ALPK3: variants seen among roughly 807,000 people sequenced by gnomAD.
The protein encoded by ALPK3 is alpha-protein kinase 3.
ALPK3 carries 102 observed loss-of-function variants against 140.0 expected under a neutral mutation model. The observed-to-expected ratio is 0.73, with a 90% confidence interval of 0.62 to 0.86. The LOEUF is 0.86. Among genes scored for constraint, ALPK3 ranks in the 40% least tolerant of loss-of-function variants. The probability of loss-of-function intolerance (pLI) is 0.00; values close to 1 mark genes in which losing one functional copy is unlikely to be tolerated. For synonymous variants in ALPK3, 938 were observed against 898.5 expected (o/e 1.04, Z -0.79); for missense variants, 2,254 against 2,208.2 (o/e 1.02, Z -0.42).
At chr15:84,848,721 C>A (rs1963763812) in intron 5 of ALPK3, among the ~76,000 whole-genome samples, 1 of 151,976 alleles carries the variant, frequency 6.6e-6, no homozygotes, top group South Asian at 2.1e-4. Flanking sequence ...AATAAGAAAT[C>A]CATTTCAAAT....
chr15:84,864,310 C>A, intron 11 of ALPK3, 132 bp from the exon 12 acceptor site: 1 of 956,738 alleles, frequency 1.0e-6, no homozygotes, highest in Non-Finnish European at 1.6e-6. Context: ...CTTTGCTGTC[C>A]TTTGGGCTCG....
chr15:84,840,807 G>T lies in ALPK3; in HGVS notation c.1528G>T (p.Ala510Ser). 2 of 1,614,232 alleles carry T rather than the reference G, an allele frequency of 1.2e-6. No individual in the cohort carries two copies. Among genetic ancestry groups the T allele is most frequent in the Non-Finnish European group, 1.7e-6 (2 of 1,180,038 alleles). The change falls in exon 5 of 14, where the codon GCC becomes TCC. Residue 510 changes from alanine (A) to serine (S), a missense_variant. Around this residue, in one of 3 missense-constraint regions of ALPK3, gnomAD observed 2,088 missense variants for 2,022.9 expected, o/e 1.03. Coordinates refer to ENST00000258888, the MANE Select transcript of ALPK3 (RefSeq NM_020778.5). ...SSLSQAPECG[A>S]QSLGKAPPQA... ...TCTGAGTCAAGCTCCAGAATGCGGG[G>T]CCCAGAGCTTAGGAAAGGCCCCACC...
intron 5 of ALPK3, among the ~76,000 whole-genome samples, chr15:84,844,498 C>T (rs1963706405): frequency 6.6e-6 from 1 of 152,180 alleles, no homozygotes; most frequent in African/African-American, 2.4e-5. Context: ...TAGTTTACCT[C>T]CTTCATATAT....
intron 12 of ALPK3, among the ~76,000 whole-genome samples, chr15:84,865,553 A>G (rs983501046): frequency 6.6e-6 from 1 of 152,196 alleles, no homozygotes; most frequent in Non-Finnish European, 1.5e-5. Context: ...CCATCCAACC[A>G]TTACTAAATA....
At chr15:84,843,199 G>A (rs771164526) in intron 5 of ALPK3, among the ~76,000 whole-genome samples, 1 of 152,218 alleles carries the variant, frequency 6.6e-6, no homozygotes, top group Non-Finnish European at 1.5e-5. Flanking sequence ...GGGTACAGTG[G>A]CTCATGCCTG....
intron 5 of ALPK3, among the ~76,000 whole-genome samples, chr15:84,849,533 A>C (rs1268586665): frequency 6.6e-6 from 1 of 152,206 alleles, no homozygotes; most frequent in Non-Finnish European, 1.5e-5. Context: ...ATCTTAACAA[A>C]TGTGAAGTAA....
Position 84,817,492 on chromosome 15 carries a change from G to C in ALPK3, c.40G>C (p.Gly14Arg). ...GGCCCCCAGCCGGGGCTGGGGCGCG[G>C]GTGGGCGGTCGGGGGCGGGGGGCGA... is the stretch of plus-strand genomic sequence containing the variant. ...RRAPSRGWGAGGRSGAGGDGE... is the reference protein window; with the variant it reads ...RRAPSRGWGARGRSGAGGDGE... The change falls in exon 1 of 14, where the codon GGT (glycine) becomes CGT (arginine). Residue 14 changes from glycine (G) to arginine (R), a missense_variant. By Grantham distance (125) the Gly-to-Arg change is moderately radical. This residue lies in a region of ALPK3 where 2,088 missense variants were observed against 2,022.9 expected (regional missense o/e 1.03). Coordinates refer to ENST00000258888, the MANE Select transcript of ALPK3 (RefSeq NM_020778.5). 1.4e-6 allele frequency: 2 copies of C among 1,445,662 alleles called. No homozygotes were observed. Among genetic ancestry groups the C allele is most frequent in the South Asian group, 2.7e-5 (2 of 73,148 alleles). The allele number at this position is 1,445,662 out of a possible 1,614,324, so 89.6% of individuals were successfully genotyped here.
intron 5 of ALPK3, among the ~76,000 whole-genome samples, chr15:84,844,002 G>A (rs1963696878): frequency 6.6e-6 from 1 of 152,086 alleles, no homozygotes; most frequent in African/African-American, 2.4e-5. Context: ...AAGCTAAGGT[G>A]GGTGGATAAC....
rs781311599 is a variant in ALPK3, at chr15:84,856,715, G to A, written c.1977G>A (p.Lys659=). Residue 659 remains lysine, a synonymous_variant, in exon 6 of 14, where the codon AAG becomes AAA. Coordinates refer to ENST00000258888, the MANE Select transcript of ALPK3 (RefSeq NM_020778.5). ...CACAGTCAGACAGGAGTGCACAGAA[G>A]GGCATGATGACACAGGGAAGGGCAG... is the stretch of plus-strand genomic sequence containing the variant. ...KRPQSDRSAQ[K]GMMTQGRAET... 1.4e-5 allele frequency: 22 copies of A among 1,614,060 alleles called. No individual in the cohort carries two copies. The highest frequency in any genetic ancestry group is 1.9e-5 in the Non-Finnish European group (22 of 1,180,018).
chr15:84,835,484 C>T (rs772256253), intron 3 of ALPK3, among the ~76,000 whole-genome samples: 4 of 152,186 alleles, frequency 2.6e-5, no homozygotes, highest in Non-Finnish European at 4.4e-5. Flanking sequence ...ATTTACTTAT[C>T]GTCCCACAGA....
rs376243343 is a variant in ALPK3, at chr15:84,852,164, A to G, written c.1654-4228A>G. On this transcript the variant is annotated intron_variant, in intron 5 of 13. Coordinates refer to ENST00000258888, the MANE Select transcript of ALPK3 (RefSeq NM_020778.5). The stretch of plus-strand genomic sequence containing the variant: ...TTAACAACAATAATCATAAAATAGA[A>G]CAACTATAGTAATATGCCAGTATCA... Among the ~76,000 whole-genome samples, 4 of 152,322 alleles carry G rather than the reference A, an allele frequency of 2.6e-5. No homozygotes were observed. In the East Asian group the frequency reaches 7.7e-4, roughly 29 times the overall value.
At chr15:84,855,395 A>T (rs990767935) in intron 5 of ALPK3, among the ~76,000 whole-genome samples, 1 of 152,072 alleles carries the variant, frequency 6.6e-6, no homozygotes, top group African/African-American at 2.4e-5. Context: ...GGCAGCTGTT[A>T]TCCTTTTGTT....
intron 1 of ALPK3, among the ~76,000 whole-genome samples, chr15:84,820,317 A>C (rs1207140128): frequency 6.6e-6 from 1 of 152,162 alleles, no homozygotes; most frequent in Non-Finnish European, 1.5e-5. Context: ...TGGGTCAGCC[A>C]GGCTGTCTAG....
chr15:84,846,515 C>G (rs1963732944), intron 5 of ALPK3, among the ~76,000 whole-genome samples: 1 of 152,068 alleles, frequency 6.6e-6, no homozygotes, highest in East Asian at 1.9e-4. Context: ...AAAACCCTGT[C>G]TTTACAAAAA....
rs149933659 is a variant in ALPK3 at position 84,864,628 on chromosome 15, G to A, written c.4686G>A (p.Gln1562=). The change falls in exon 12 of 14, where the codon CAG becomes CAA. Residue 1562 remains glutamine, a synonymous_variant. Coordinates refer to ENST00000258888, the MANE Select transcript of ALPK3 (RefSeq NM_020778.5). ...AGACCTTCCAACACTGGCTGTATCA[G>A]TGGACAAATGGCAGCTTCCTTGTCA... ...KCQTFQHWLY[Q]WTNGSFLVTD... The A allele has an allele frequency of 4.8e-5, 78 of 1,614,082 alleles. No individual in the cohort carries two copies. Among genetic ancestry groups the A allele is most frequent in the Admixed American group, 3.2e-4 (19 of 60,010 alleles).
rs1007006555 is a variant in ALPK3 at position 84,873,439 on chromosome 15, C to G, written c.*4983C>G. On this transcript the variant is annotated 3_prime_UTR_variant, in exon 14 of 14. Coordinates refer to ENST00000258888, the MANE Select transcript of ALPK3 (RefSeq NM_020778.5). Reference sequence around the variant, plus strand: ...AGCTTTTACGTAGAATGTAGAATCTCTGGTGAGTGAACATATCAATAAAGA... The same window carrying G: ...AGCTTTTACGTAGAATGTAGAATCTGTGGTGAGTGAACATATCAATAAAGA... 1 of 152,114 alleles carries G rather than the reference C, an allele frequency of 6.6e-6. No homozygotes were observed. The highest frequency in any genetic ancestry group is 2.4e-5 in the African/African-American group (1 of 41,402). 9.4% of individuals were successfully genotyped at this position (152,114 alleles called of 1,614,324 possible).
In ALPK3 at chr15:84,870,958, T is replaced by C. The variant is rs372109681; in HGVS notation, c.*2502T>C. ...TCTCTGCTTAGGGAATTCAAGATCATATCTAACTTCGAATTCCAGGGGTAA... is the reference window on the plus strand; with the variant it reads ...TCTCTGCTTAGGGAATTCAAGATCACATCTAACTTCGAATTCCAGGGGTAA... On this transcript the variant is annotated 3_prime_UTR_variant, in exon 14 of 14. Transcript: ENST00000258888. 12 of 152,480 alleles carry C rather than the reference T, an allele frequency of 7.9e-5. No homozygotes were observed. The highest frequency in any genetic ancestry group is 2.6e-4 in the African/African-American group (11 of 41,544). The allele number at this position is 152,480 out of a possible 1,614,324, so 9.4% of individuals were successfully genotyped here. A position where few individuals can be genotyped will look rare whatever the true frequency, so the allele number is the denominator to read the frequency against.
chr15:84,840,846 C>G lies in ALPK3; in HGVS notation c.1567C>G (p.Gln523Glu), dbSNP rs1567089982. Residue 523 changes from glutamine to glutamate, a missense_variant, in exon 5 of 14, where the codon CAG (glutamine) becomes GAG (glutamate). Gln to Glu is a conservative substitution (Grantham distance 29). Coordinates refer to ENST00000258888, the MANE Select transcript of ALPK3 (RefSeq NM_020778.5). ...LGKAPPQASV[Q>E]VPTPPARRRH... ...AAAGGCCCCACCTCAGGCCTCTGTG[C>G]AGGTGCCGACGCCCCCTGCCCGGCG... 1 of 1,614,172 alleles carries G rather than the reference C, an allele frequency of 6.2e-7. No individual in the cohort carries two copies. Among genetic ancestry groups the G allele is most frequent in the Non-Finnish European group, 8.5e-7 (1 of 1,180,020 alleles).
Position 84,858,306 on chromosome 15 carries a change from A to T in ALPK3, c.3568A>T (p.Thr1190Ser), listed in dbSNP as rs942995582. Reference sequence around the variant, plus strand: ...CACACCTGAAGAAAGGGAGAGCCCCACGGTTTCCCCCCGGGGGCCCAGGAA... The same window carrying T: ...CACACCTGAAGAAAGGGAGAGCCCCTCGGTTTCCCCCCGGGGGCCCAGGAA... The part of the protein sequence containing the change: ...ATTPEERESP[T>S]VSPRGPRKSL... Residue 1190 changes from threonine (T) to serine (S), a missense_variant, in exon 6 of 14, where the codon ACG (threonine) becomes TCG (serine). Transcript: ENST00000258888. The T allele has an allele frequency of 1.3e-6, 2 of 1,572,024 alleles. No individual in the cohort carries two copies. The highest frequency in any genetic ancestry group is 1.7e-4 in the Middle Eastern group (1 of 6,018).
Sources: gnomAD v4.1 joint callset for allele counts (sites outside exome capture counted in the v4.1 genomes callset) on GRCh38, gnomAD v4.1.1 for gene constraint, gnomAD v4.1.1 regional missense constraint, MANE v1.5 for transcripts, NCBI Gene and HGNC (gene_info 2026-07-23, HGNC 2026-07-21) for gene names.